Variants in SLC9A9 observed in about 807,000 individuals in gnomAD.
The protein encoded by SLC9A9 is sodium/hydrogen exchanger 9.
Under a neutral mutation model 77.8 loss-of-function variants are expected in SLC9A9, and 62 were observed. That is an observed-to-expected ratio of 0.80 (90% CI 0.65 to 0.98). The LOEUF is 0.98. Among genes scored for constraint, SLC9A9 ranks in the 50% least tolerant of loss-of-function variants. SLC9A9 has a pLI of 0.00. For synonymous variants in SLC9A9, 320 were observed against 283.5 expected, an observed-to-expected ratio of 1.13 and a Z score of -1.29; for missense variants, 775 against 774.9, an observed-to-expected ratio of 1.00 and a Z score of 0.00.
intron 9 of SLC9A9, among the ~76,000 whole-genome samples, chr3:143,520,324 T>C (rs150915148): frequency 1.3e-5 from 2 of 152,308 alleles, no homozygotes; most frequent in East Asian, 3.9e-4. Context: ...CTAATAAGAA[T>C]AGAGTTGAGA....
intron 6 of SLC9A9, among the ~76,000 whole-genome samples, chr3:143,583,988 G>A (rs2037498448): frequency 6.6e-6 from 1 of 152,158 alleles, no homozygotes; most frequent in Non-Finnish European, 1.5e-5. Context: ...GAAGAAGAAG[G>A]AGGAGGGGGA....
chr3:143,571,375 T>A (rs914584827), intron 8 of SLC9A9, among the ~76,000 whole-genome samples: 1 of 152,218 alleles, frequency 6.6e-6, no homozygotes, highest in Non-Finnish European at 1.5e-5. Context: ...TACCTGTGCA[T>A]TAGAACTAAA....
At chr3:143,590,396 A>T (rs2037626432) in intron 6 of SLC9A9, among the ~76,000 whole-genome samples, 2 of 152,268 alleles carry the variant, frequency 1.3e-5, no homozygotes, top group Admixed American at 1.3e-4. Context: ...GAAACTAAAT[A>T]AAAACTAAGC....
chr3:143,321,416 T>C (rs2031415984), intron 14 of SLC9A9, among the ~76,000 whole-genome samples: 1 of 152,212 alleles, frequency 6.6e-6, no homozygotes, highest in Non-Finnish European at 1.5e-5. Flanking sequence ...CTCCTGACCC[T>C]TGCTGGTCTG....
At chr3:143,452,503 T>A (rs1488707749) in intron 12 of SLC9A9, among the ~76,000 whole-genome samples, 14 of 108,808 alleles carry the variant, frequency 1.3e-4, no homozygotes, top group South Asian at 2.9e-4. Context: ...TTAAAAAGAC[T>A]AAAAAAAAAA....
intron 4 of SLC9A9, among the ~76,000 whole-genome samples, chr3:143,741,388 A>G (rs944799262): frequency 6.6e-6 from 1 of 152,248 alleles, no homozygotes; most frequent in African/African-American, 2.4e-5. Context: ...ATAATATTGG[A>G]TTATTAATCA....
chr3:143,799,177 A>G (rs997160082), intron 2 of SLC9A9, among the ~76,000 whole-genome samples: 1 of 152,152 alleles, frequency 6.6e-6, no homozygotes, highest in Admixed American at 6.5e-5. Flanking sequence ...GCTCTTTTTC[A>G]TCAAGTATAA....
intron 6 of SLC9A9, among the ~76,000 whole-genome samples, chr3:143,617,170 G>T (rs774886325): frequency 1.3e-5 from 2 of 152,210 alleles, no homozygotes; most frequent in East Asian, 3.9e-4. Context: ...CTATCATCAC[G>T]TGGAGTCTCT....
rs550821195 is a variant in SLC9A9, at chr3:143,265,856, G to C, written c.*846C>G. The C allele has an allele frequency of 3.3e-6, 2 of 597,346 alleles. No homozygotes were observed. Among genetic ancestry groups the C allele is most frequent in the African/African-American group, 3.7e-5 (2 of 53,772 alleles). 37.0% of individuals were successfully genotyped at this position (597,346 alleles called of 1,614,324 possible). The stretch of plus-strand genomic sequence containing the variant: ...CTGCTGCCAGGTAGAGAGCAACACA[G>C]GCTGCAGAATCCTACCCTCCAGCAT... On this transcript the variant is annotated 3_prime_UTR_variant, in exon 16 of 16. Transcript: ENST00000316549.
intron 2 of SLC9A9, among the ~76,000 whole-genome samples, chr3:143,828,906 T>C (rs2009368197): frequency 6.6e-6 from 1 of 152,158 alleles, no homozygotes; most frequent in Non-Finnish European, 1.5e-5. Context: ...CCTAACTCAT[T>C]TGCCCATTAG....
At chr3:143,359,541 G>A (rs965184425) in intron 14 of SLC9A9, among the ~76,000 whole-genome samples, 1 of 152,194 alleles carries the variant, frequency 6.6e-6, no homozygotes, top group Non-Finnish European at 1.5e-5. Context: ...GGGCCTGGGT[G>A]CAGAAGGGTG....
chr3:143,432,628 T>C (rs2034542021), intron 12 of SLC9A9, among the ~76,000 whole-genome samples: 1 of 152,166 alleles, frequency 6.6e-6, no homozygotes, highest in Non-Finnish European at 1.5e-5. Flanking sequence ...CTGGCTGATC[T>C]TGCCCACATT....
At chr3:143,701,315 A>T (rs1367031703) in intron 4 of SLC9A9, among the ~76,000 whole-genome samples, 1 of 152,188 alleles carries the variant, frequency 6.6e-6, no homozygotes, top group Non-Finnish European at 1.5e-5. Context: ...TAAATAAGGC[A>T]CCAGGGAACA....
intron 5 of SLC9A9, among the ~76,000 whole-genome samples, chr3:143,671,553 TCAAA>T (rs1173651187): frequency 2.0e-5 from 3 of 152,054 alleles, no homozygotes; most frequent in African/African-American, 7.2e-5. Context: ...TTTGAAAGAG[TCAAA>T]CAATATAAAT....
At chr3:143,374,439 A>G (rs1466890633) in intron 13 of SLC9A9, among the ~76,000 whole-genome samples, 4 of 150,406 alleles carry the variant, frequency 2.7e-5, no homozygotes, top group Non-Finnish European at 5.9e-5. Flanking sequence ...AAAAAAAAAA[A>G]AAAAAAAGAA....
chr3:143,678,027 C>T (rs1404108889), intron 5 of SLC9A9, among the ~76,000 whole-genome samples: 6 of 151,964 alleles, frequency 3.9e-5, no homozygotes, highest in South Asian at 4.2e-4. Context: ...GGGGTTTCAC[C>T]GTGTTAGCCA....
At chr3:143,595,358 C>A (rs768848365) in intron 6 of SLC9A9, among the ~76,000 whole-genome samples, 5 of 152,198 alleles carry the variant, frequency 3.3e-5, no homozygotes, top group Non-Finnish European at 7.3e-5. Flanking sequence ...TTTCTACCAA[C>A]AATCCTTATC....
chr3:143,365,074 T>C (rs966290964), intron 13 of SLC9A9, among the ~76,000 whole-genome samples: 5 of 152,168 alleles, frequency 3.3e-5, no homozygotes, highest in Non-Finnish European at 7.3e-5. Context: ...GGTACATATA[T>C]ACCCTGGAAT....
chr3:143,310,064 T>C (rs1398428855), intron 14 of SLC9A9, among the ~76,000 whole-genome samples: 2 of 152,232 alleles, frequency 1.3e-5, no homozygotes, highest in African/African-American at 2.4e-5. Context: ...GTTGCTTACT[T>C]GGGAGTAAGA....
Sources: gnomAD v4.1 joint callset for allele counts (sites outside exome capture counted in the v4.1 genomes callset) on GRCh38, gnomAD v4.1.1 for gene constraint, MANE v1.5 for transcripts, NCBI Gene and HGNC (gene_info 2026-07-23, HGNC 2026-07-21) for gene names.